The following NELL1 variants were observed in gnomAD, a reference collection of about 807,000 sequenced individuals.
NELL1 encodes neural EGFL like 1, also known as protein kinase C-binding protein NELL1.
In NELL1, 76 loss-of-function variants were observed where a neutral mutation model predicts 107.4. That is an observed-to-expected ratio of 0.71 (90% CI 0.59 to 0.86). The LOEUF (loss-of-function observed/expected upper bound fraction) is 0.86. Ranked by LOEUF, NELL1 falls within the 40% of genes least tolerant of loss-of-function variation. The pLI is 0.00. For synonymous variants in NELL1, 353 were observed against 341.2 expected, an observed-to-expected ratio of 1.03 and a Z score of -0.38; for missense variants, 1,024 against 1,005.5, an observed-to-expected ratio of 1.02 and a Z score of -0.25.
chr11:21,068,278 T>C (rs929278539), intron 12 of NELL1, among the ~76,000 whole-genome samples: 2 of 152,148 alleles, frequency 1.3e-5, no homozygotes, highest in Admixed American at 1.3e-4. Context: ...TTCAGTTTTA[T>C]ACCTTTTACA....
chr11:21,475,440 T>TTA (rs1268711023), intron 15 of NELL1, among the ~76,000 whole-genome samples: 1 of 152,160 alleles, frequency 6.6e-6, no homozygotes, highest in Admixed American at 6.6e-5. Context: ...GTCACATAAC[T>TTA]TATAGTGCCC....
At chr11:21,393,010 G>A (rs935286698) in intron 15 of NELL1, among the ~76,000 whole-genome samples, 6 of 150,184 alleles carry the variant, frequency 4.0e-5, no homozygotes, top group African/African-American at 7.3e-5. Context: ...TTTTTTTTAA[G>A]CAAGAGCTAT....
intron 13 of NELL1, among the ~76,000 whole-genome samples, chr11:21,140,849 C>G (rs933571321): frequency 6.6e-6 from 1 of 152,084 alleles, no homozygotes; most frequent in Non-Finnish European, 1.5e-5. Flanking sequence ...TTAACTTGCT[C>G]CAAGGTTATG....
chr11:21,385,420 A>G (rs941967622), intron 15 of NELL1, among the ~76,000 whole-genome samples: 1 of 151,946 alleles, frequency 6.6e-6, no homozygotes, highest in African/African-American at 2.4e-5. Context: ...CGTCAATCAC[A>G]TGCCTGCATT....
chr11:21,537,761 G>A (rs532209386), intron 16 of NELL1, among the ~76,000 whole-genome samples: 2 of 152,070 alleles, frequency 1.3e-5, no homozygotes, highest in African/African-American at 4.8e-5. Flanking sequence ...AGGCATGGAT[G>A]TTCAAAACTG....
intron 14 of NELL1, among the ~76,000 whole-genome samples, chr11:21,232,218 T>A (rs1199446307): frequency 2.7e-5 from 4 of 146,972 alleles, no homozygotes; most frequent in African/African-American, 1.0e-4. Flanking sequence ...TAATCCCAGC[T>A]ACTCGGGAGG....
At chr11:21,277,583 T>C (rs1848896367) in intron 14 of NELL1, among the ~76,000 whole-genome samples, 1 of 152,174 alleles carries the variant, frequency 6.6e-6, no homozygotes, top group Non-Finnish European at 1.5e-5. Flanking sequence ...CTTGCTGCTA[T>C]AAAGACACAT....
intron 13 of NELL1, among the ~76,000 whole-genome samples, chr11:21,221,820 G>A (rs1216065599): frequency 2.6e-5 from 4 of 152,060 alleles, no homozygotes; most frequent in Non-Finnish European, 4.4e-5. Context: ...AGCCTCCCGA[G>A]TAGTTGGAAC....
At chr11:20,981,972 CTCTCTCTCTT>C (rs1419794203) in intron 12 of NELL1, among the ~76,000 whole-genome samples, 6 of 151,868 alleles carry the variant, frequency 4.0e-5, no homozygotes, top group African/African-American at 9.7e-5. Context: ...CTCTCTCTCT[CTCTCTCTCTT>C]TCTCTCTCTT....
intron 13 of NELL1, among the ~76,000 whole-genome samples, chr11:21,180,629 A>G (rs1298800455): frequency 6.6e-6 from 1 of 151,734 alleles, no homozygotes; most frequent in Non-Finnish European, 1.5e-5. Context: ...TTCTTCCTTT[A>G]GCTGAGCAGC....
intron 14 of NELL1, among the ~76,000 whole-genome samples, chr11:21,264,071 G>GGTGGGTGTGTGTGTGTGTGTGT (rs1554989864): frequency 7.2e-6 from 1 of 139,436 alleles, no homozygotes; most frequent in African/African-American, 2.7e-5. Flanking sequence ...TCTACAATGG[G>GGTGGGTGTGTGTGTGTGTGTGT]GTGTGTGTGT....
chr11:21,518,245 T>A (rs766288315), intron 15 of NELL1, among the ~76,000 whole-genome samples: 6 of 152,108 alleles, frequency 3.9e-5, no homozygotes, highest in Non-Finnish European at 7.4e-5. Flanking sequence ...TTCATTATGA[T>A]GGTTACTTGT....
intron 12 of NELL1, among the ~76,000 whole-genome samples, chr11:21,031,612 C>T (rs1252945182): frequency 6.6e-6 from 1 of 152,036 alleles, no homozygotes; most frequent in Non-Finnish European, 1.5e-5. Flanking sequence ...AATAATAGCA[C>T]TTTGTAAATT....
chr11:21,304,769 C>A (rs1308752750), intron 14 of NELL1, among the ~76,000 whole-genome samples: 1 of 151,808 alleles, frequency 6.6e-6, no homozygotes, highest in African/African-American at 2.4e-5. Flanking sequence ...TATATTGTTT[C>A]TTCCATTTCC....
intron 14 of NELL1, among the ~76,000 whole-genome samples, chr11:21,247,531 G>A (rs1487472181): frequency 1.3e-5 from 2 of 151,976 alleles, no homozygotes; most frequent in South Asian, 2.1e-4. Context: ...TCCAACTTTT[G>A]TCCCGTTAGA....
At chr11:20,897,735 A>G (rs61880428) in intron 5 of NELL1, among the ~76,000 whole-genome samples, 4,318 of 152,240 alleles carry the variant, frequency 0.028, 116 homozygotes, top group East Asian at 0.16. Context: ...AAAACAAACA[A>G]CCCCATCAAC....
chr11:20,826,789 A>G (rs888504366), intron 3 of NELL1, among the ~76,000 whole-genome samples: 1 of 151,150 alleles, frequency 6.6e-6, no homozygotes, highest in African/African-American at 2.4e-5. Context: ...TGCCTGATAC[A>G]TCTTAAATTT....
At chr11:20,730,950 G>C (rs1855624951) in intron 2 of NELL1, among the ~76,000 whole-genome samples, 1 of 152,306 alleles carries the variant, frequency 6.6e-6, no homozygotes. Flanking sequence ...AATTTTGACT[G>C]AGATTAGGGG....
intron 15 of NELL1, among the ~76,000 whole-genome samples, chr11:21,476,790 TA>T (rs1334141667): frequency 6.6e-6 from 1 of 152,054 alleles, no homozygotes; most frequent in Non-Finnish European, 1.5e-5. Context: ...TGAATGTACT[TA>T]GGGAAGGGAG....
Sources: gnomAD v4.1 joint callset for allele counts (sites outside exome capture counted in the v4.1 genomes callset) on GRCh38, gnomAD v4.1.1 for gene constraint, MANE v1.5 for transcripts, NCBI Gene and HGNC (gene_info 2026-07-23, HGNC 2026-07-21) for gene names.